Variants in GPR137C observed in about 807,000 individuals in gnomAD.
GPR137C encodes the protein integral membrane protein GPR137C.
In GPR137C, 27 loss-of-function variants were observed where a neutral mutation model predicts 43.4. The ratio of observed to expected loss-of-function variants is 0.62; its 90% CI spans 0.46 to 0.86. The LOEUF (loss-of-function observed/expected upper bound fraction) is 0.86. Among genes scored for constraint, GPR137C ranks in the 40% least tolerant of loss-of-function variants. The pLI is 0.00. For synonymous variants in GPR137C, 285 were observed against 226.9 expected (o/e 1.26, Z -2.30); for missense variants, 522 against 534.6 (o/e 0.98, Z 0.23).
At position 52,634,611 on chromosome 14, in the gene GPR137C, G is replaced by GCATA. The variant is rs367645018; in HGVS notation, c.1113-306_1113-303dup. Among the ~76,000 whole-genome samples the GCATA allele has an allele frequency of 2.4e-3, 361 of 152,038 alleles. 3 individuals are homozygous for GCATA. The highest frequency in any genetic ancestry group is 5.6e-3 in the Admixed American group (86 of 15,256). ...GAGAAATGAATGTATATGTGTGTCT[G>GCATA]CATACATACATACATACATACATAG... is the stretch of plus-strand genomic sequence containing the variant. On this transcript the variant is annotated intron_variant, in intron 6 of 6. Coordinates refer to ENST00000321662, the MANE Select transcript of GPR137C (RefSeq NM_001099652.2).
At chr14:52,584,427 G>A (rs2038686686) in intron 1 of GPR137C, among the ~76,000 whole-genome samples, 1 of 152,180 alleles carries the variant, frequency 6.6e-6, no homozygotes, top group Non-Finnish European at 1.5e-5. Flanking sequence ...TTCCAAGGCT[G>A]AACAGGCAGT....
chr14:52,578,182 G>A (rs530245614), intron 1 of GPR137C, among the ~76,000 whole-genome samples: 8 of 152,004 alleles, frequency 5.3e-5, no homozygotes, highest in Non-Finnish European at 1.0e-4. Context: ...CCATTTTGCC[G>A]GATATTCAAC....
intron 3 of GPR137C, chr14:52,612,185 C>A (rs1216954001): frequency 1.4e-5 from 14 of 983,892 alleles, no homozygotes; most frequent in East Asian, 2.3e-4. Context: ...AATATGATTT[C>A]TTTAATGTTC....
chr14:52,635,010 T>G lies in GPR137C; in HGVS notation c.1185T>G (p.Thr395=). The change falls in exon 7 of 7, where the codon ACT becomes ACG. Residue 395 remains threonine, a synonymous_variant. Transcript: ENST00000321662. ...TGCGSSSYTV[T]PHLNGPMTDT... Reference sequence around the variant, plus strand: ...GTGGCAGCAGCAGTTACACAGTCACTCCCCACCTGAATGGACCTATGACAG... The same window carrying G: ...GTGGCAGCAGCAGTTACACAGTCACGCCCCACCTGAATGGACCTATGACAG... 1.2e-6 allele frequency: 2 copies of G among 1,612,800 alleles called. No homozygotes were observed. Among genetic ancestry groups the G allele is most frequent in the Non-Finnish European group, 1.7e-6 (2 of 1,179,334 alleles).
chr14:52,589,186 A>C (rs1226355072), intron 1 of GPR137C, among the ~76,000 whole-genome samples: 1 of 152,204 alleles, frequency 6.6e-6, no homozygotes, highest in Non-Finnish European at 1.5e-5. Context: ...TTAAATTCAT[A>C]AGGACAGAAA....
intron 1 of GPR137C, among the ~76,000 whole-genome samples, chr14:52,570,379 C>A (rs1594783510): frequency 1.3e-5 from 2 of 152,178 alleles, no homozygotes; most frequent in East Asian, 3.8e-4. Context: ...CCGGTAGCAG[C>A]CACTGCAAAA....
intron 1 of GPR137C, among the ~76,000 whole-genome samples, chr14:52,571,079 G>T (rs144584385): frequency 6.6e-6 from 1 of 152,014 alleles, no homozygotes; most frequent in African/African-American, 2.4e-5. Context: ...AATTGACCAC[G>T]TAATTGGAAG....
chr14:52,593,439 G>C (rs1045567228), intron 1 of GPR137C, among the ~76,000 whole-genome samples: 13 of 152,098 alleles, frequency 8.5e-5, no homozygotes. Context: ...GGTAGAATTC[G>C]GCTGTGAATC....
intron 1 of GPR137C, among the ~76,000 whole-genome samples, chr14:52,595,178 G>A (rs777349607): frequency 3.3e-5 from 5 of 152,128 alleles, no homozygotes; most frequent in South Asian, 4.1e-4. Flanking sequence ...GGTTTCTGCC[G>A]AGAGATCCCC....
At chr14:52,580,370 A>T (rs1231027059) in intron 1 of GPR137C, among the ~76,000 whole-genome samples, 1 of 150,388 alleles carries the variant, frequency 6.6e-6, no homozygotes, top group Admixed American at 6.7e-5. Flanking sequence ...AGAAAAAAAA[A>T]TTTTTTTTTT....
rs575856745 is a variant in GPR137C, at chr14:52,624,535, G to A, written c.718-7625G>A. On this transcript the variant is annotated intron_variant, in intron 3 of 6. Coordinates refer to ENST00000321662, the MANE Select transcript of GPR137C (RefSeq NM_001099652.2). ...ACTCAGGATTTTGAGAGCAGCCTGA[G>A]CAATATGATGAAACCTCATCTCTAC... 1.7e-4 allele frequency among the ~76,000 whole-genome samples: 25 copies of A among 151,442 alleles called. 1 individual carries two copies. The highest frequency in any genetic ancestry group is 1.5e-3 in the Admixed American group (23 of 15,128).
At chr14:52,597,966 C>A (rs996843903) in intron 1 of GPR137C, among the ~76,000 whole-genome samples, 4 of 152,138 alleles carry the variant, frequency 2.6e-5, no homozygotes, top group Admixed American at 2.6e-4. Flanking sequence ...GGATAGGTGG[C>A]AAGCCATTCA....
chr14:52,617,293 T>C (rs531545990), intron 3 of GPR137C, among the ~76,000 whole-genome samples: 1 of 152,286 alleles, frequency 6.6e-6, no homozygotes, highest in African/African-American at 2.4e-5. Flanking sequence ...AAATAAAAAA[T>C]AGAATCAAAT....
chr14:52,598,839 C>G (rs2139523767), intron 2 of GPR137C, among the ~76,000 whole-genome samples: 1 of 152,230 alleles, frequency 6.6e-6, no homozygotes, highest in Non-Finnish European at 1.5e-5. Flanking sequence ...ATTTCAAGAT[C>G]CTTTTTGGGT....
intron 3 of GPR137C, among the ~76,000 whole-genome samples, chr14:52,618,315 CT>C (rs1455334961): frequency 4.6e-5 from 7 of 152,112 alleles, no homozygotes; most frequent in Non-Finnish European, 8.8e-5. Context: ...GAAATCTCAT[CT>C]TTTACTCCAA....
At chr14:52,554,634 G>GAATA (rs1398647399) in intron 1 of GPR137C, among the ~76,000 whole-genome samples, 1 of 151,624 alleles carries the variant, frequency 6.6e-6, no homozygotes, top group Non-Finnish European at 1.5e-5. Flanking sequence ...GACTAATATA[G>GAATA]AATAATATTG....
chr14:52,603,826 A>T (rs1014721270), intron 3 of GPR137C, among the ~76,000 whole-genome samples: 13 of 152,132 alleles, frequency 8.5e-5, no homozygotes, highest in African/African-American at 3.1e-4. Flanking sequence ...GATGGGAGCC[A>T]CTGTGCCCAG....
At position 52,633,418 on chromosome 14, in the gene GPR137C, G is replaced by A. The variant is rs2039315854; in HGVS notation, c.868-112G>A. The stretch of plus-strand genomic sequence containing the variant: ...AAATATAGAAAGTTTTAGAGTTTAT[G>A]TGCTTGTAGTTGATATATTTTATCT... On this transcript the variant is annotated intron_variant, in intron 4 of 6. Coordinates refer to ENST00000321662, the MANE Select transcript of GPR137C (RefSeq NM_001099652.2). 1.1e-5 allele frequency: 9 copies of A among 804,836 alleles called. No homozygotes were observed. The South Asian group carries it at 2.0e-4, about 18-fold the overall frequency. 49.9% of individuals were successfully genotyped at this position (804,836 alleles called of 1,614,324 possible). A position where few individuals can be genotyped will look rare whatever the true frequency, so the allele number is the denominator to read the frequency against.
At chr14:52,598,723 G>A (rs944295156) in intron 2 of GPR137C, among the ~76,000 whole-genome samples, 2 of 152,180 alleles carry the variant, frequency 1.3e-5, no homozygotes, top group Admixed American at 1.3e-4. Flanking sequence ...TGTGGAGTCA[G>A]GAGATTGGGG....
Sources: allele counts gnomAD v4.1 joint callset (sites outside exome capture counted in the v4.1 genomes callset), GRCh38; gene constraint gnomAD v4.1.1; transcripts MANE v1.5; gene names NCBI Gene and HGNC (gene_info 2026-07-23, HGNC 2026-07-21).